SEMA5A: variants seen among roughly 807,000 people sequenced by gnomAD.
SEMA5A encodes the protein semaphorin-5A.
Under a neutral mutation model 135.5 loss-of-function variants are expected in SEMA5A, and 55 were observed. The ratio of observed to expected loss-of-function variants is 0.41; its 90% CI spans 0.33 to 0.51. SEMA5A has a LOEUF of 0.51. SEMA5A is among the 20% of genes least tolerant of loss of function. The pLI, the probability that SEMA5A is intolerant of heterozygous loss-of-function variation, is 0.37. For missense variants in SEMA5A, 1,290 were observed against 1,419.9 expected (o/e 0.91, Z 1.47); for synonymous variants, 580 against 546.5 (o/e 1.06, Z -0.85).
At chr5:9,372,507 G>A (rs1298061559) in intron 3 of SEMA5A, among the ~76,000 whole-genome samples, 1 of 152,160 alleles carries the variant, frequency 6.6e-6, no homozygotes, top group Admixed American at 6.5e-5. Context: ...GGACACACAT[G>A]GAGGGATGGG....
At chr5:9,230,807 C>T (rs973774001) in intron 6 of SEMA5A, among the ~76,000 whole-genome samples, 1 of 152,128 alleles carries the variant, frequency 6.6e-6, no homozygotes. Flanking sequence ...TCTGAGTTAT[C>T]ACCAATAACA....
At chr5:9,167,367 AC>A (rs1434627613) in intron 11 of SEMA5A, among the ~76,000 whole-genome samples, 4 of 152,200 alleles carry the variant, frequency 2.6e-5, no homozygotes, top group Admixed American at 2.6e-4. Flanking sequence ...AACTCAGTAT[AC>A]CCAAAACTGG....
At position 9,035,929 on chromosome 5, in the gene SEMA5A, A is replaced by C. The variant is rs1579275952; in HGVS notation, c.*6968T>G. On this transcript the variant is annotated 3_prime_UTR_variant, in exon 23 of 23. Coordinates refer to ENST00000382496, the MANE Select transcript of SEMA5A (RefSeq NM_003966.3). ...TCAGTAACTGTCTGCAAGCTTACCAAGGGCTGAAATTGGCTTTGGAGGAGT... is the reference window on the plus strand; with the variant it reads ...TCAGTAACTGTCTGCAAGCTTACCACGGGCTGAAATTGGCTTTGGAGGAGT... The C allele has an allele frequency of 7.4e-6, 1 of 134,362 alleles. No homozygotes were observed. Among genetic ancestry groups the C allele is most frequent in the Non-Finnish European group, 1.5e-5 (1 of 65,150 alleles). The allele number at this position is 134,362 out of a possible 1,614,324, so 8.3% of individuals were successfully genotyped here.
In SEMA5A at chr5:9,123,047, G is replaced by A. The variant is rs1352067542; in HGVS notation, c.1600-210C>T. Among the ~76,000 whole-genome samples, 3 of 151,988 alleles carry A rather than the reference G, an allele frequency of 2.0e-5. No individual in the cohort carries two copies. The East Asian group carries it at 5.8e-4, about 29-fold the overall frequency. On this transcript the variant is annotated intron_variant, in intron 13 of 22. Transcript: ENST00000382496. The stretch of plus-strand genomic sequence containing the variant: ...AGACGGGCAGATCACGAGGTCAGAA[G>A]ATCGAGACCATCCTGGCTAACACGG...
At chr5:9,126,941 G>A (rs898234858) in intron 13 of SEMA5A, among the ~76,000 whole-genome samples, 8 of 152,150 alleles carry the variant, frequency 5.3e-5, no homozygotes, top group Admixed American at 2.0e-4. Context: ...AGAAAAGCAG[G>A]TTAAATGTCA....
chr5:9,506,748 C>A (rs1358268989), intron 1 of SEMA5A, among the ~76,000 whole-genome samples: 1 of 152,160 alleles, frequency 6.6e-6, no homozygotes, highest in Non-Finnish European at 1.5e-5. Flanking sequence ...GCTTCCAGAG[C>A]AGCACCTCCA....
rs137998922 is a variant in SEMA5A, at chr5:9,040,341, G to T, written c.*2556C>A. ...AAACAGCCCAGGCCTAAGGAAGAGC[G>T]GCTTTATGAAGGAGTTTCCAAGACA... On this transcript the variant is annotated 3_prime_UTR_variant, in exon 23 of 23. Coordinates refer to ENST00000382496, the MANE Select transcript of SEMA5A (RefSeq NM_003966.3). The T allele has an allele frequency of 6.6e-6, 1 of 152,206 alleles. No individual in the cohort carries two copies. The highest frequency in any genetic ancestry group is 1.5e-5 in the Non-Finnish European group (1 of 68,046). 9.4% of individuals were successfully genotyped at this position (152,206 alleles called of 1,614,324 possible).
At chr5:9,061,157 G>A (rs1309504379) in intron 18 of SEMA5A, among the ~76,000 whole-genome samples, 1 of 151,888 alleles carries the variant, frequency 6.6e-6, no homozygotes, top group East Asian at 1.9e-4. Context: ...GCCATACTGG[G>A]TTGACGCTGC....
At chr5:9,531,217 A>G (rs455353) in intron 1 of SEMA5A, among the ~76,000 whole-genome samples, 51,962 of 152,064 alleles carry the variant, frequency 0.34, 9,074 homozygotes, top group East Asian at 0.4. Flanking sequence ...TAGAGAGGTG[A>G]CCAGCTCCAA....
At chr5:9,492,921 T>C (rs1735098364) in intron 1 of SEMA5A, among the ~76,000 whole-genome samples, 2 of 152,192 alleles carry the variant, frequency 1.3e-5, no homozygotes, top group Admixed American at 1.3e-4. Flanking sequence ...CTGGTCTGCA[T>C]GACGTTCTGT....
At chr5:9,160,773 A>G (rs1190530441) in intron 11 of SEMA5A, among the ~76,000 whole-genome samples, 1 of 152,220 alleles carries the variant, frequency 6.6e-6, no homozygotes, top group Non-Finnish European at 1.5e-5. Context: ...AACCTCTACA[A>G]TCTGAGTCAT....
At chr5:9,326,299 G>A (rs1752871220) in intron 4 of SEMA5A, among the ~76,000 whole-genome samples, 2 of 152,174 alleles carry the variant, frequency 1.3e-5, no homozygotes, top group South Asian at 4.1e-4. Flanking sequence ...TGCCCAGGCT[G>A]GATGTGCAGT....
chr5:9,447,924 G>A (rs921396734), intron 1 of SEMA5A, among the ~76,000 whole-genome samples: 2 of 152,164 alleles, frequency 1.3e-5, no homozygotes, highest in African/African-American at 4.8e-5. Context: ...ACCCATGCCA[G>A]CTGCCTTTGA....
intron 1 of SEMA5A, among the ~76,000 whole-genome samples, chr5:9,542,434 A>G (rs1738145439): frequency 6.6e-6 from 1 of 152,246 alleles, no homozygotes; most frequent in South Asian, 2.1e-4. Context: ...TTTATGATTC[A>G]AGAAAACAGT....
intron 2 of SEMA5A, among the ~76,000 whole-genome samples, chr5:9,407,592 A>C (rs906658144): frequency 2.6e-5 from 4 of 152,174 alleles, no homozygotes; most frequent in Non-Finnish European, 5.9e-5. Context: ...ACCTGGCTGC[A>C]TTTGCTTTGC....
chr5:9,202,478 C>A (rs889464447), intron 8 of SEMA5A, among the ~76,000 whole-genome samples: 1 of 152,116 alleles, frequency 6.6e-6, no homozygotes, highest in African/African-American at 2.4e-5. Flanking sequence ...TCAAGTATCC[C>A]GAGCTAAATT....
intron 5 of SEMA5A, among the ~76,000 whole-genome samples, chr5:9,248,039 TG>T (rs765017837): frequency 2.0e-5 from 3 of 152,178 alleles, no homozygotes; most frequent in Non-Finnish European, 4.4e-5. Context: ...TGTGTGGTTT[TG>T]CCATTTATTT....
chr5:9,287,188 C>A (rs547129723), intron 5 of SEMA5A, among the ~76,000 whole-genome samples: 3 of 152,190 alleles, frequency 2.0e-5, no homozygotes, highest in Non-Finnish European at 4.4e-5. Flanking sequence ...ACGATGGATA[C>A]AGACATTCAT....
chr5:9,185,972 A>G (rs1744785848), intron 11 of SEMA5A, among the ~76,000 whole-genome samples: 1 of 152,174 alleles, frequency 6.6e-6, no homozygotes, highest in Non-Finnish European at 1.5e-5. Flanking sequence ...AAGTGTTTCC[A>G]AGTCAAGTAA....
Sources: allele counts gnomAD v4.1 joint callset (sites outside exome capture counted in the v4.1 genomes callset), GRCh38; gene constraint gnomAD v4.1.1; transcripts MANE v1.5; gene names NCBI Gene and HGNC (gene_info 2026-07-23, HGNC 2026-07-21).